Variants in FAM228B observed in about 807,000 individuals in gnomAD.
The protein encoded by FAM228B is protein FAM228B.
FAM228B carries 38 observed loss-of-function variants against 42.6 expected under a neutral mutation model. The observed-to-expected ratio is 0.89, with a 90% CI of 0.69 to 1.17. FAM228B has a LOEUF of 1.17. FAM228B is among the 50% of genes most tolerant of loss of function. FAM228B has a pLI of 0.00. For missense variants in FAM228B, 344 were observed against 367.3 expected (o/e 0.94, Z 0.52); for synonymous variants, 109 against 122.3 (o/e 0.89, Z 0.72).
In FAM228B at chr2:24,113,194, A is replaced by G. The variant is rs114436028; in HGVS notation, c.-121+17965A>G. ...AGGTAGTGGTGATACAACAGTAAAC[A>G]ATACATCTAAATACACTTATTTAAC... On this transcript the variant is annotated intron_variant, in intron 3 of 10. Transcript: ENST00000613899. Among the ~76,000 whole-genome samples the G allele has an allele frequency of 3.0e-3, 457 of 152,318 alleles. 1 individual carries two copies. Among genetic ancestry groups the G allele is most frequent in the African/African-American group, 0.01 (430 of 41,566 alleles).
At chr2:24,158,932 G>T (rs936423648) in intron 7 of FAM228B, among the ~76,000 whole-genome samples, 2 of 152,186 alleles carry the variant, frequency 1.3e-5, no homozygotes, top group Non-Finnish European at 2.9e-5. Flanking sequence ...CCAGGTACTG[G>T]CAGGGCCACT....
intron 3 of FAM228B, among the ~76,000 whole-genome samples, chr2:24,116,727 A>G (rs1017104952): frequency 1.3e-5 from 2 of 149,518 alleles, no homozygotes; most frequent in Non-Finnish European, 3.0e-5. Flanking sequence ...GGTGGCAGGC[A>G]CCTGTAGTCC....
At chr2:24,153,184 C>G (rs1254692828) in intron 7 of FAM228B, among the ~76,000 whole-genome samples, 1 of 152,228 alleles carries the variant, frequency 6.6e-6, no homozygotes, top group Non-Finnish European at 1.5e-5. Flanking sequence ...GTTGCTCTAT[C>G]CTACTATGAC....
At chr2:24,125,384 A>C (rs111699863) in intron 2 of FAM228B, among the ~76,000 whole-genome samples, 168 of 152,272 alleles carry the variant, frequency 1.1e-3, no homozygotes, top group African/African-American at 3.6e-3. Flanking sequence ...CCCTGTCTCA[A>C]ATAAAGTGTA....
Position 24,164,277 on chromosome 2 carries a change from T to G in FAM228B, c.874T>G (p.Ser292Ala). ...TAATCCAAGTGCCAAAGAGGCCATC[T>G]CTGAAGGGTATTTTTCTTCCTTGAG... ...GNNPSAKEAI[S>A]EGYFSSLSLS... Residue 292 changes from serine to alanine, a missense_variant, in exon 9 of 11, where the codon TCT becomes GCT. Ser to Ala is a moderately conservative substitution (Grantham distance 99). Coordinates refer to ENST00000615575, the MANE Select transcript of FAM228B (RefSeq NM_001145710.2). The G allele has an allele frequency of 1.9e-6, 3 of 1,551,490 alleles. No homozygotes were observed. Among genetic ancestry groups the G allele is most frequent in the Non-Finnish European group, 2.6e-6 (3 of 1,146,844 alleles).
At chr2:24,106,786 A>C (rs1211198169) in intron 3 of FAM228B, among the ~76,000 whole-genome samples, 1 of 152,094 alleles carries the variant, frequency 6.6e-6, no homozygotes, top group Non-Finnish European at 1.5e-5. Flanking sequence ...GAGGAGTAGC[A>C]AATATGGATG....
chr2:24,079,399 CT>C, intron 1 of FAM228B: 2 of 1,597,160 alleles, frequency 1.3e-6, no homozygotes, highest in Non-Finnish European at 1.7e-6. Flanking sequence ...ATGAACCACA[CT>C]TTTCTGGGTT....
At chr2:24,119,164 C>T (rs577427006), upstream of FAM228B, among the ~76,000 whole-genome samples, 2 of 152,108 alleles carry the variant, frequency 1.3e-5, no homozygotes, top group South Asian at 4.1e-4. Flanking sequence ...TGCCTTTTTA[C>T]CCTGCTGTCT....
At chr2:24,148,420 G>C (rs1333585660) in intron 7 of FAM228B, among the ~76,000 whole-genome samples, 1 of 152,300 alleles carries the variant, frequency 6.6e-6, no homozygotes, top group East Asian at 1.9e-4. Flanking sequence ...TCAGAAGCAG[G>C]ACTTTCCTGA....
chr2:24,142,626 T>A (rs1286970517), intron 5 of FAM228B: 1 of 152,236 alleles, frequency 6.6e-6, no homozygotes, highest in Non-Finnish European at 1.5e-5. Flanking sequence ...CTTGAAAGAA[T>A]GACTTACAAA....
intron 5 of FAM228B, among the ~76,000 whole-genome samples, chr2:24,144,099 A>G (rs1002783895): frequency 6.6e-6 from 1 of 152,140 alleles, no homozygotes; most frequent in African/African-American, 2.4e-5. Context: ...CGGACTTATA[A>G]TTGTCGATAA....
At chr2:24,109,706 T>C (rs572264998) in intron 3 of FAM228B, among the ~76,000 whole-genome samples, 1 of 152,180 alleles carries the variant, frequency 6.6e-6, no homozygotes, top group East Asian at 1.9e-4. Context: ...CACTAACCAT[T>C]AGAGAAATGC....
chr2:24,088,966 C>T (rs906897187), intron 2 of FAM228B, among the ~76,000 whole-genome samples: 2 of 152,132 alleles, frequency 1.3e-5, no homozygotes, highest in Non-Finnish European at 1.5e-5. Flanking sequence ...GTGTCAGAAA[C>T]GAAGTGTTCT....
intron 2 of FAM228B, among the ~76,000 whole-genome samples, chr2:24,130,453 C>T (rs969856120): frequency 5.3e-5 from 8 of 152,224 alleles, no homozygotes; most frequent in African/African-American, 1.7e-4. Flanking sequence ...TCCTGTTTCT[C>T]CACAGCCTCA....
At chr2:24,157,143 CT>C (rs2151028797) in intron 7 of FAM228B, among the ~76,000 whole-genome samples, 1 of 152,254 alleles carries the variant, frequency 6.6e-6, no homozygotes, top group African/African-American at 2.4e-5. Context: ...TTGAGGGTTC[CT>C]TTTGGAGTTG....
chr2:24,138,753 C>T (rs902763237), intron 4 of FAM228B, among the ~76,000 whole-genome samples: 1 of 151,314 alleles, frequency 6.6e-6, no homozygotes, highest in Non-Finnish European at 1.5e-5. Context: ...GTTGGGAGTT[C>T]GAGACCAGCC....
At position 24,164,227 on chromosome 2, in the gene FAM228B, A is replaced by G; in HGVS notation, c.824A>G (p.Glu275Gly). ...AAAGGGTCATCCTTTCTAGAAAGAG[A>G]ACCGCTGTGCTATCAGGAGGGAAAT... ...KNKGSSFLEREPLCYQEGNNP... is the reference protein window; with the variant it reads ...KNKGSSFLERGPLCYQEGNNP... Residue 275 changes from glutamate to glycine, a missense_variant, in exon 9 of 11, where the codon GAA becomes GGA. By Grantham distance (98) the Glu-to-Gly change is moderately conservative. Coordinates refer to ENST00000615575, the MANE Select transcript of FAM228B (RefSeq NM_001145710.2). 1 of 1,551,000 alleles carries G rather than the reference A, an allele frequency of 6.4e-7. No individual in the cohort carries two copies. Among genetic ancestry groups the G allele is most frequent in the Non-Finnish European group, 8.7e-7 (1 of 1,146,540 alleles).
intron 2 of FAM228B, among the ~76,000 whole-genome samples, chr2:24,129,491 A>G (rs1254731804): frequency 6.6e-6 from 1 of 151,932 alleles, no homozygotes; most frequent in Non-Finnish European, 1.5e-5. Context: ...ATTGTCTCAT[A>G]GGTCACTATG....
rs955206731 is a variant in FAM228B at position 24,147,085 on chromosome 2, A to G, written c.685A>G (p.Arg229Gly). 1.3e-6 allele frequency: 2 copies of G among 1,548,264 alleles called. No homozygotes were observed. The highest frequency in any genetic ancestry group is 2.4e-5 in the South Asian group (2 of 83,772). Residue 229 changes from arginine to glycine, a missense_variant and splice_region_variant, in exon 7 of 11, where the codon AGG (arginine) becomes GGG (glycine). Coordinates refer to ENST00000615575, the MANE Select transcript of FAM228B (RefSeq NM_001145710.2). The part of the protein sequence containing the change: ...YIESEFCRRR[R>G]LKVKVNFNDC... ...AGAAAGTGAATTTTGTAGAAGGAGA[A>G]GGTAATGGTTAATATACTAGAAATT... is the stretch of plus-strand genomic sequence containing the variant.
Sources: allele counts gnomAD v4.1 joint callset (sites outside exome capture counted in the v4.1 genomes callset), GRCh38; gene constraint gnomAD v4.1.1; transcripts MANE v1.5; gene names NCBI Gene and HGNC (gene_info 2026-07-23, HGNC 2026-07-21).